Variants in BLTP3B observed in about 807,000 individuals in gnomAD.
BLTP3B encodes bridge-like lipid transfer protein family member 3B.
At chr12:100,084,646 T>C in the BLTP3B span, 4 of 1,613,736 alleles carry the variant, frequency 2.5e-6, no homozygotes, top group East Asian at 2.2e-5. Flanking sequence ...CATCCAATGA[T>C]TACAACTATC....
the BLTP3B span, among the ~76,000 whole-genome samples, chr12:100,123,591 C>T: frequency 0.063 from 9,526 of 152,240 alleles, 329 homozygotes; most frequent in Middle Eastern, 0.14. Context: ...TCCGTCACCC[C>T]AGTCCTTGCC....
the BLTP3B span, among the ~76,000 whole-genome samples, chr12:100,082,785 G>C: frequency 4.6e-5 from 7 of 152,140 alleles, no homozygotes; most frequent in African/African-American, 1.4e-4. Context: ...GCTGTTTTGT[G>C]TCAGAAGCAT....
At chr12:100,041,601 T>A in the BLTP3B span, among the ~76,000 whole-genome samples, 2 of 152,046 alleles carry the variant, frequency 1.3e-5, no homozygotes, top group African/African-American at 2.4e-5. Flanking sequence ...CACACCCAGC[T>A]AATTTTTGCA....
the BLTP3B span, among the ~76,000 whole-genome samples, chr12:100,078,882 G>A: frequency 6.6e-6 from 1 of 152,080 alleles, no homozygotes; most frequent in Non-Finnish European, 1.5e-5. Flanking sequence ...TGAATTATGG[G>A]GGCAAGTCTT....
the BLTP3B span, among the ~76,000 whole-genome samples, chr12:100,105,337 C>T: frequency 1.3e-5 from 2 of 151,886 alleles, no homozygotes; most frequent in African/African-American, 4.8e-5. Flanking sequence ...TTCCATTGAA[C>T]AGAATACACA....
chr12:100,069,000 G>A, the BLTP3B span, among the ~76,000 whole-genome samples: 4 of 152,166 alleles, frequency 2.6e-5, no homozygotes, highest in African/African-American at 9.7e-5. Context: ...CACTTTAGGA[G>A]GCTGACGCGG....
the BLTP3B span, among the ~76,000 whole-genome samples, chr12:100,052,907 C>A: frequency 6.6e-6 from 1 of 150,832 alleles, no homozygotes; most frequent in Middle Eastern, 3.2e-3. Context: ...GATTCTCCTG[C>A]CTCAGCCTCC....
At chr12:100,056,249 C>G in the BLTP3B span, among the ~76,000 whole-genome samples, 2 of 152,034 alleles carry the variant, frequency 1.3e-5, no homozygotes, top group Non-Finnish European at 2.9e-5. Flanking sequence ...CTCTTGACCT[C>G]CAGAGGACTG....
At chr12:100,061,372 T>C in the BLTP3B span, among the ~76,000 whole-genome samples, 2 of 152,240 alleles carry the variant, frequency 1.3e-5, no homozygotes, top group South Asian at 2.1e-4. Context: ...AAGATCTATA[T>C]GCAGGGCCGG....
At chr12:100,138,853 A>C in the BLTP3B span, among the ~76,000 whole-genome samples, 2 of 140,936 alleles carry the variant, frequency 1.4e-5, no homozygotes, top group African/African-American at 6.1e-5. Context: ...GTACATGTGT[A>C]TACACATACA....
At chr12:100,089,475 A>G in the BLTP3B span, among the ~76,000 whole-genome samples, 1 of 152,090 alleles carries the variant, frequency 6.6e-6, no homozygotes, top group African/African-American at 2.4e-5. Flanking sequence ...CAGGAGAATC[A>G]CTTGAACCCG....
chr12:100,106,370 C>T, the BLTP3B span, among the ~76,000 whole-genome samples: 1 of 151,776 alleles, frequency 6.6e-6, no homozygotes, highest in African/African-American at 2.4e-5. Context: ...GCCCATCAAC[C>T]TATGAGTGGT....
the BLTP3B span, among the ~76,000 whole-genome samples, chr12:100,118,811 T>A: frequency 7.2e-5 from 11 of 152,190 alleles, no homozygotes; most frequent in Non-Finnish European, 1.6e-4. Context: ...AAAATTATAA[T>A]AAAGAAATCA....
the BLTP3B span, among the ~76,000 whole-genome samples, chr12:100,137,513 TTCA>T: frequency 3.3e-5 from 5 of 152,144 alleles, no homozygotes; most frequent in Admixed American, 6.6e-5. Context: ...AGACAGAGTT[TTCA>T]TCATGTTTCC....
the BLTP3B span, among the ~76,000 whole-genome samples, chr12:100,056,429 C>T: frequency 6.6e-6 from 1 of 152,082 alleles, no homozygotes; most frequent in African/African-American, 2.4e-5. Flanking sequence ...ATGGTACTTA[C>T]ATCAATAATA....
At chr12:100,053,500 G>C in the BLTP3B span, among the ~76,000 whole-genome samples, 1 of 152,112 alleles carries the variant, frequency 6.6e-6, no homozygotes, top group Non-Finnish European at 1.5e-5. Flanking sequence ...CCAGAGGTAG[G>C]CTGATAGTCC....
the BLTP3B span, chr12:100,051,145 A>G: frequency 2.5e-6 from 4 of 1,614,024 alleles, no homozygotes; most frequent in Non-Finnish European, 3.4e-6. Context: ...AAGTTTCACC[A>G]TAATTCTGTA....
chr12:100,136,899 C>T, the BLTP3B span, among the ~76,000 whole-genome samples: 2 of 152,090 alleles, frequency 1.3e-5, no homozygotes, highest in East Asian at 1.9e-4. Flanking sequence ...GCAACTTCCA[C>T]CTCCCGGGCT....
chr12:100,095,304 C>T, the BLTP3B span, among the ~76,000 whole-genome samples: 1 of 152,204 alleles, frequency 6.6e-6, no homozygotes, highest in Non-Finnish European at 1.5e-5. Context: ...TGATTCTCTG[C>T]ACAGTTAACT....
Sources: gnomAD v4.1 joint callset for allele counts (sites outside exome capture counted in the v4.1 genomes callset) on GRCh38, gnomAD v4.1.1 for gene constraint, MANE v1.5 for transcripts, NCBI Gene and HGNC (gene_info 2026-07-23, HGNC 2026-07-21) for gene names.